TXNRD1: variants seen among roughly 807,000 people sequenced by gnomAD.
The protein encoded by TXNRD1 is thioredoxin reductase 1, cytoplasmic.
A neutral mutation model predicts 80.3 loss-of-function variants in TXNRD1; 57 were observed. The ratio of observed to expected loss-of-function variants is 0.71; its 90% CI spans 0.57 to 0.89. The LOEUF is 0.89. Ranked by LOEUF, TXNRD1 falls within the 40% of genes least tolerant of loss-of-function variation. The pLI, the probability that TXNRD1 is intolerant of heterozygous loss-of-function variation, is 0.00. For synonymous variants in TXNRD1, 291 were observed against 285.2 expected (o/e 1.02, Z -0.20); for missense variants, 730 against 803.0 (o/e 0.91, Z 1.10).
At chr12:104,307,945 C>T (rs1211119494) in intron 4 of TXNRD1, among the ~76,000 whole-genome samples, 1 of 151,606 alleles carries the variant, frequency 6.6e-6, no homozygotes, top group Non-Finnish European at 1.5e-5. Flanking sequence ...TTTTGGCATA[C>T]TTTAAGGTCA....
intron 16 of TXNRD1, among the ~76,000 whole-genome samples, chr12:104,345,840 C>T (rs1044512726): frequency 6.6e-6 from 1 of 152,026 alleles, no homozygotes. Flanking sequence ...GTGGTGGGGA[C>T]AGATAAGAGT....
At chr12:104,302,691 G>T (rs34936529) in intron 4 of TXNRD1, among the ~76,000 whole-genome samples, 1 of 151,750 alleles carries the variant, frequency 6.6e-6, no homozygotes, top group East Asian at 1.9e-4. Context: ...GGGTTTCACC[G>T]GGTTAGCCAA....
intron 14 of TXNRD1, among the ~76,000 whole-genome samples, chr12:104,333,140 G>C (rs1323061050): frequency 3.9e-5 from 6 of 151,918 alleles, no homozygotes; most frequent in African/African-American, 1.4e-4. Flanking sequence ...TCTTTGATTA[G>C]GTTGTTTACA....
chr12:104,256,134 C>G (rs1175616409), intron 2 of TXNRD1, among the ~76,000 whole-genome samples: 1 of 152,074 alleles, frequency 6.6e-6, no homozygotes, highest in Non-Finnish European at 1.5e-5. Context: ...CATTTAACAA[C>G]TGGGATATGA....
At chr12:104,316,509 CCTCCCG>C (rs1325498729) in intron 7 of TXNRD1, among the ~76,000 whole-genome samples, 1 of 152,188 alleles carries the variant, frequency 6.6e-6, no homozygotes, top group African/African-American at 2.4e-5. Context: ...CCTGCCTCAG[CCTCCCG>C]AGTAGCTGGG....
At chr12:104,339,073 G>A (rs2036238259) in intron 15 of TXNRD1, 66 bp from the exon 16 acceptor site, 3 of 1,589,196 alleles carry the variant, frequency 1.9e-6, no homozygotes, top group Non-Finnish European at 1.7e-6. Flanking sequence ...AATGCTCTAA[G>A]CTGTGTAGGA....
At chr12:104,233,993 AG>A (rs1318697463) in intron 1 of TXNRD1, among the ~76,000 whole-genome samples, 1 of 152,216 alleles carries the variant, frequency 6.6e-6, no homozygotes, top group African/African-American at 2.4e-5. Context: ...TGAATATGTC[AG>A]TTCTGTATGA....
intron 4 of TXNRD1, chr12:104,303,969 G>T: frequency 6.2e-7 from 1 of 1,604,544 alleles, no homozygotes; most frequent in Non-Finnish European, 8.5e-7. Flanking sequence ...GCCGCGGGCT[G>T]CTCCGACGAC....
chr12:104,286,341 ACT>A (rs2033970808), intron 3 of TXNRD1, among the ~76,000 whole-genome samples: 1 of 152,060 alleles, frequency 6.6e-6, no homozygotes, highest in Middle Eastern at 3.4e-3. Context: ...GTTAAAAGAC[ACT>A]CTGAGTTTTT....
chr12:104,226,064 G>T (rs1353401785), intron 1 of TXNRD1, among the ~76,000 whole-genome samples: 2 of 152,066 alleles, frequency 1.3e-5, no homozygotes, highest in Non-Finnish European at 1.5e-5. Context: ...AGCTGGGCGT[G>T]TGGTGGGCAC....
chr12:104,287,462 C>G (rs746199212), intron 3 of TXNRD1: 22 of 1,611,160 alleles, frequency 1.4e-5, no homozygotes, highest in South Asian at 2.2e-5. Flanking sequence ...GAGTCCGAGT[C>G]TTGAAATGTA....
chr12:104,288,360 A>AT (rs1264821498), intron 3 of TXNRD1, among the ~76,000 whole-genome samples: 12 of 152,126 alleles, frequency 7.9e-5, no homozygotes, highest in Admixed American at 5.9e-4. Context: ...CCTTTGTGAA[A>AT]TTTTACCATT....
At chr12:104,266,181 T>C (rs1277669418) in intron 3 of TXNRD1, among the ~76,000 whole-genome samples, 1 of 152,164 alleles carries the variant, frequency 6.6e-6, no homozygotes, top group Admixed American at 6.5e-5. Context: ...TTGTAGTCAC[T>C]GTGTTGTATT....
intron 3 of TXNRD1, among the ~76,000 whole-genome samples, chr12:104,269,496 C>A (rs1328002517): frequency 6.7e-6 from 1 of 149,496 alleles, no homozygotes; most frequent in African/African-American, 2.5e-5. Context: ...ACCTCCCGGG[C>A]TCAAGTGATC....
At position 104,350,107 on chromosome 12, in the gene TXNRD1, G is replaced by A. The variant is rs940980698; in HGVS notation, c.*1686G>A. 8 of 152,078 alleles carry A rather than the reference G, an allele frequency of 5.3e-5. No homozygotes were observed. The highest frequency in any genetic ancestry group is 2.6e-4 in the Admixed American group (4 of 15,266). 9.4% of individuals were successfully genotyped at this position (152,078 alleles called of 1,614,324 possible). ...ATCATGTTGTGATTCTCTTTTCTTA[G>A]TGGAGTGGAATGTTCTATCCCCACA... On this transcript the variant is annotated 3_prime_UTR_variant, in exon 17 of 17. Transcript: ENST00000525566.
chr12:104,290,380 T>C (rs912596339), intron 4 of TXNRD1, among the ~76,000 whole-genome samples: 3 of 152,080 alleles, frequency 2.0e-5, no homozygotes, highest in African/African-American at 7.2e-5. Context: ...TAAAAAGAGA[T>C]AACGGTCTAT....
chr12:104,306,123 C>T (rs1461413448), intron 4 of TXNRD1, among the ~76,000 whole-genome samples: 1 of 152,096 alleles, frequency 6.6e-6, no homozygotes, highest in Non-Finnish European at 1.5e-5. Flanking sequence ...AGGCTGGTCT[C>T]GAACACCTGG....
At chr12:104,312,879 A>G (rs921112166) in intron 5 of TXNRD1, among the ~76,000 whole-genome samples, 3 of 152,192 alleles carry the variant, frequency 2.0e-5, no homozygotes, top group Non-Finnish European at 4.4e-5. Flanking sequence ...GACTATCAGT[A>G]AACCTGCTTT....
chr12:104,282,177 G>T (rs2033892949), intron 3 of TXNRD1, among the ~76,000 whole-genome samples: 1 of 152,216 alleles, frequency 6.6e-6, no homozygotes, highest in Non-Finnish European at 1.5e-5. Context: ...CTTCAAGAAA[G>T]TTCTTTGGGA....
Sources: allele counts gnomAD v4.1 joint callset (sites outside exome capture counted in the v4.1 genomes callset), GRCh38; gene constraint gnomAD v4.1.1; transcripts MANE v1.5; gene names NCBI Gene and HGNC (gene_info 2026-07-23, HGNC 2026-07-21).